Variants in FRYL observed in about 807,000 individuals in gnomAD.
FRYL encodes the protein FRY like transcription coactivator.
FRYL carries 150 observed loss-of-function variants against 351.2 expected under a neutral mutation model. The observed-to-expected ratio is 0.43, with a 90% CI of 0.37 to 0.49. FRYL has a LOEUF of 0.49. FRYL is among the 20% of genes least tolerant of loss of function. The probability of loss-of-function intolerance (pLI) is 0.00; values close to 1 mark genes in which losing one functional copy is unlikely to be tolerated. For synonymous variants in FRYL, 1,153 were observed against 1,257.1 expected (o/e 0.92, Z 1.75); for missense variants, 3,036 against 3,619.3 (o/e 0.84, Z 4.13).
chr4:48,631,886 T>C (rs1486919714), intron 4 of FRYL, among the ~76,000 whole-genome samples: 1 of 149,818 alleles, frequency 6.7e-6, no homozygotes, highest in Non-Finnish European at 1.5e-5. Flanking sequence ...AGATCTCATC[T>C]CTACAAAAAC....
At chr4:48,779,494 G>C (rs951479235) in intron 1 of FRYL, among the ~76,000 whole-genome samples, 2 of 152,088 alleles carry the variant, frequency 1.3e-5, no homozygotes, top group African/African-American at 4.8e-5. Context: ...GACAATGCCC[G>C]GCTGGGCTGG....
chr4:48,675,794 A>C (rs986574645), intron 3 of FRYL, among the ~76,000 whole-genome samples: 44 of 152,248 alleles, frequency 2.9e-4, no homozygotes, highest in African/African-American at 1.1e-3. Context: ...AGGTGAAGCC[A>C]GCTGGGCTCC....
intron 55 of FRYL, 126 bp from the exon 56 acceptor site, chr4:48,515,401 C>A (rs1180264829): frequency 2.8e-6 from 2 of 708,004 alleles, no homozygotes; most frequent in Non-Finnish European, 4.6e-6. Context: ...TACAGTCTGT[C>A]ACCCAGGCTG....
chr4:48,515,223 C>A lies in FRYL; in HGVS notation c.7742G>T (p.Gly2581Val). The A allele has an allele frequency of 6.2e-7, 1 of 1,611,220 alleles. No individual in the cohort carries two copies. Among genetic ancestry groups the A allele is most frequent in the South Asian group, 1.1e-5 (1 of 91,014 alleles). ...CTGCTGTTCTTGAATTATATAGGATCCTTCATCTTCAAAGGTTGTAACATG... is the reference window on the plus strand; with the variant it reads ...CTGCTGTTCTTGAATTATATAGGATACTTCATCTTCAAAGGTTGTAACATG... ...EEHVTTFEDE[G>V]SYIIQEQQES... The change falls in exon 56 of 64, where the codon GGA becomes GTA. Residue 2581 changes from glycine to valine, a missense_variant. This residue lies in a region of FRYL where 1,987 missense variants were observed against 2,311.7 expected (regional missense o/e 0.86). Coordinates refer to ENST00000358350, the MANE Select transcript of FRYL (RefSeq NM_015030.2).
At chr4:48,552,056 C>T (rs1472074324) in intron 36 of FRYL, among the ~76,000 whole-genome samples, 1 of 152,104 alleles carries the variant, frequency 6.6e-6, no homozygotes, top group Non-Finnish European at 1.5e-5. Context: ...TCAGAAGATT[C>T]CTGAACTAGG....
At chr4:48,649,877 C>T (rs940168757) in intron 3 of FRYL, among the ~76,000 whole-genome samples, 1 of 152,150 alleles carries the variant, frequency 6.6e-6, no homozygotes, top group African/African-American at 2.4e-5. Context: ...CACGCAAATG[C>T]ATCTTATAAA....
At chr4:48,630,726 A>G (rs1263819768) in intron 4 of FRYL, among the ~76,000 whole-genome samples, 2 of 152,158 alleles carry the variant, frequency 1.3e-5, no homozygotes, top group East Asian at 3.8e-4. Context: ...GGCTTCCTTA[A>G]TCTTCTTTTA....
At chr4:48,615,172 G>C (rs1749171912) in intron 7 of FRYL, among the ~76,000 whole-genome samples, 1 of 152,150 alleles carries the variant, frequency 6.6e-6, no homozygotes, top group Non-Finnish European at 1.5e-5. Context: ...CAAAAGACTA[G>C]CTTAAGATAG....
intron 1 of FRYL, among the ~76,000 whole-genome samples, chr4:48,756,603 C>T (rs1325443462): frequency 6.6e-6 from 1 of 152,162 alleles, no homozygotes; most frequent in East Asian, 1.9e-4. Flanking sequence ...TATTAGAAGA[C>T]ACGCACTCAA....
intron 3 of FRYL, among the ~76,000 whole-genome samples, chr4:48,665,938 C>T (rs185673185): frequency 2.0e-5 from 3 of 152,342 alleles, no homozygotes; most frequent in Admixed American, 2.0e-4. Flanking sequence ...ATTAAAGCCA[C>T]CTTTGATATC....
intron 1 of FRYL, among the ~76,000 whole-genome samples, chr4:48,772,193 TG>T (rs1320911362): frequency 6.6e-6 from 1 of 152,236 alleles, no homozygotes; most frequent in Non-Finnish European, 1.5e-5. Context: ...GAGAATTTTT[TG>T]TAATTGTTTC....
chr4:48,595,517 C>T (rs1454118576), intron 15 of FRYL, 73 bp downstream of exon 15: 2 of 797,868 alleles, frequency 2.5e-6, no homozygotes, highest in Non-Finnish European at 3.9e-6. Context: ...TAAAAAATTT[C>T]AAAGCTCCAA....
intron 39 of FRYL, 133 bp from the exon 40 acceptor site, chr4:48,548,926 A>G: frequency 3.4e-6 from 2 of 583,230 alleles, no homozygotes; most frequent in Non-Finnish European, 6.1e-6. Flanking sequence ...AAAAAGGAGG[A>G]AAAACAAATA....
chr4:48,729,575 C>T (rs7680280), intron 1 of FRYL, among the ~76,000 whole-genome samples: 62,825 of 151,964 alleles, frequency 0.41, 14,291 homozygotes, highest in Admixed American at 0.56. Context: ...TGTTCTACAG[C>T]CACCGCTGGT....
At chr4:48,721,353 GA>G (rs975768090) in intron 1 of FRYL, among the ~76,000 whole-genome samples, 4 of 150,690 alleles carry the variant, frequency 2.7e-5, no homozygotes, top group Non-Finnish European at 4.4e-5. Context: ...ACTATATGTA[GA>G]TTTTTTTTTT....
In FRYL at chr4:48,750,259, G is replaced by A. The variant is rs529053817; in HGVS notation, c.-384+29819C>T. Among the ~76,000 whole-genome samples the A allele has an allele frequency of 3.9e-5, 6 of 151,932 alleles. No homozygotes were observed. The South Asian group carries it at 6.2e-4, about 16-fold the overall frequency. ...ACAAATCGCTTGAGTCCAGGAGTTCGAGATCAGCCTGGGCAACATGGGGAA... is the reference window on the plus strand; with the variant it reads ...ACAAATCGCTTGAGTCCAGGAGTTCAAGATCAGCCTGGGCAACATGGGGAA... On this transcript the variant is annotated intron_variant, in intron 1 of 63. Coordinates refer to ENST00000358350, the MANE Select transcript of FRYL (RefSeq NM_015030.2).
Position 48,634,848 on chromosome 4 carries a change from T to C in FRYL, c.-80-358A>G, listed in dbSNP as rs79353002. On this transcript the variant is annotated intron_variant, in intron 3 of 63. Transcript: ENST00000358350. ...AATGAATGAATGGATTCTAATCAGA[T>C]AGTCAAATGCAATAAAGGAAATAAA... Among the ~76,000 whole-genome samples, 938 of 152,186 alleles carry C rather than the reference T, an allele frequency of 6.2e-3. 12 individuals carry two copies. Among genetic ancestry groups the C allele is most frequent in the African/African-American group, 0.021 (878 of 41,514 alleles).
chr4:48,687,492 CGGGGGGGGGGGGGGTGA>C (rs1765259023), intron 2 of FRYL, among the ~76,000 whole-genome samples: 1 of 46,566 alleles, frequency 2.1e-5, no homozygotes, highest in South Asian at 1.0e-3. Context: ...CAAATGAGGT[CGGGGGGGGGGGGGGTGA>C]GGGGGGAGGG....
chr4:48,747,971 C>T (rs1158541046), intron 1 of FRYL, among the ~76,000 whole-genome samples: 1 of 152,176 alleles, frequency 6.6e-6, no homozygotes, highest in African/African-American at 2.4e-5. Context: ...TCAGGCCAGG[C>T]GTGGTGGCTC....
Sources: allele counts gnomAD v4.1 joint callset (sites outside exome capture counted in the v4.1 genomes callset), GRCh38; gene constraint gnomAD v4.1.1; regional missense constraint gnomAD v4.1.1; transcripts MANE v1.5; gene names NCBI Gene and HGNC (gene_info 2026-07-23, HGNC 2026-07-21).